Variants in RPS6KB2 observed in about 807,000 individuals in gnomAD.
RPS6KB2 encodes ribosomal protein S6 kinase beta-2.
RPS6KB2 carries 51 observed loss-of-function variants against 58.2 expected under a neutral mutation model. That is an observed-to-expected ratio of 0.88 (90% CI 0.70 to 1.11). The LOEUF (loss-of-function observed/expected upper bound fraction) is 1.11. Among genes scored for constraint, RPS6KB2 ranks in the 50% least tolerant of loss-of-function variants. The pLI, the probability that RPS6KB2 is intolerant of heterozygous loss-of-function variation, is 0.00. For synonymous variants in RPS6KB2, 293 were observed against 258.6 expected (o/e 1.13, Z -1.28); for missense variants, 671 against 655.8 (o/e 1.02, Z -0.25).
In RPS6KB2 at chr11:67,433,397, C is replaced by T. The variant is rs746702111; in HGVS notation, c.856C>T (p.Leu286=). ...KTMDKIIRGK[L]ALPPYLTPDA... ...CATGGATAAGATCATCAGGGGCAAG[C>T]TGGCACTGCCCCCCTACCTCACCCC... The change falls in exon 10 of 15, where the codon CTG becomes TTG. Residue 286 remains leucine, a synonymous_variant. Coordinates refer to ENST00000312629, the MANE Select transcript of RPS6KB2 (RefSeq NM_003952.3). 6.2e-6 allele frequency: 10 copies of T among 1,613,908 alleles called. No individual in the cohort carries two copies. The highest frequency in any genetic ancestry group is 1.1e-5 in the South Asian group (1 of 91,092).
Position 67,429,894 on chromosome 11 carries a change from A to T in RPS6KB2, c.309+299A>T, listed in dbSNP as rs1311043363. On this transcript the variant is annotated intron_variant, in intron 4 of 14. Coordinates refer to ENST00000312629, the MANE Select transcript of RPS6KB2 (RefSeq NM_003952.3). ...AGTGACGCGATTTTGGCTCACTGCC[A>T]CCTCTGTCTCCCAGGTTCAAGCGAT... is the stretch of plus-strand genomic sequence containing the variant. 3 of 276,442 alleles carry T rather than the reference A, an allele frequency of 1.1e-5. No individual in the cohort carries two copies. In the East Asian group the frequency reaches 2.7e-4, roughly 25 times the overall value. The allele number at this position is 276,442 out of a possible 1,614,324, so 17.1% of individuals were successfully genotyped here.
rs1412795868 is a variant in RPS6KB2 at position 67,434,599 on chromosome 11, G to A, written c.1173G>A (p.Ala391=). 3.7e-6 allele frequency: 6 copies of A among 1,606,196 alleles called. No homozygotes were observed. The highest frequency in any genetic ancestry group is 4.5e-5 in the East Asian group (2 of 44,724). ...CCCCCCAGGGCTTCACATACGTGGC[G>A]CCGTCTGTCCTGGACAGCATCAAGG... ...NQAFLGFTYV[A]PSVLDSIKEG... Residue 391 remains alanine (A), a synonymous_variant, in exon 14 of 15, where the codon GCG becomes GCA. Transcript: ENST00000312629.
At chr11:67,432,425 G>C in intron 5 of RPS6KB2, 175 bp from the exon 6 acceptor site, 1 of 733,670 alleles carries the variant, frequency 1.4e-6, no homozygotes, top group South Asian at 1.5e-5. Context: ...ACAGGGCCAG[G>C]CACCGAGTAG....
In RPS6KB2 at chr11:67,428,576, A is replaced by G; in HGVS notation, c.31A>G (p.Thr11Ala). 1 of 1,610,906 alleles carries G rather than the reference A, an allele frequency of 6.2e-7. No homozygotes were observed. The highest frequency in any genetic ancestry group is 8.5e-7 in the Non-Finnish European group (1 of 1,179,122). MAAVFDLDLE[T>A]EEGSEGEGEP... ...GGCCGTGTTTGATTTGGATTTGGAG[A>G]CGGAGGAAGGCAGCGAGGGCGAGGG... The change falls in exon 1 of 15, where the codon ACG becomes GCG. Residue 11 changes from threonine (T) to alanine (A), a missense_variant. Coordinates refer to ENST00000312629, the MANE Select transcript of RPS6KB2 (RefSeq NM_003952.3).
Position 67,435,279 on chromosome 11 carries a change from G to A in RPS6KB2, c.*110G>A, listed in dbSNP as rs2135132021. ...CTGGGGGTGTGTCTGGGGGTGGGGT[G>A]TGAGTGCGTATGAAAGTGTGTGTCT... is the stretch of plus-strand genomic sequence containing the variant. On this transcript the variant is annotated 3_prime_UTR_variant, in exon 15 of 15. Transcript: ENST00000312629. The A allele has an allele frequency of 3.9e-6, 4 of 1,032,544 alleles. No individual in the cohort carries two copies. In the East Asian group the frequency reaches 7.9e-5, roughly 21 times the overall value. 64.0% of individuals were successfully genotyped at this position (1,032,544 alleles called of 1,614,324 possible).
At chr11:67,431,620 TG>T in intron 5 of RPS6KB2, 105 bp downstream of exon 5, 1 of 1,204,060 alleles carries the variant, frequency 8.3e-7, no homozygotes. Flanking sequence ...CTGTGGGGGT[TG>T]GCTAGGGGGC....
Position 67,432,964 on chromosome 11 carries a change from T to C in RPS6KB2, c.629T>C (p.Leu210Pro). Residue 210 changes from leucine to proline, a missense_variant, in exon 8 of 15, where the codon CTG (leucine) becomes CCG (proline). Physicochemically the swap from Leu to Pro is moderately conservative, Grantham distance 98. Coordinates refer to ENST00000312629, the MANE Select transcript of RPS6KB2 (RefSeq NM_003952.3). ...IMLSSQGHIK[L>P]TDFGLCKESI... ...CACCCTTCCTCAGGCCACATCAAAC[T>C]GACCGACTTTGGACTCTGCAAGGAG... The C allele has an allele frequency of 6.2e-7, 1 of 1,613,350 alleles. No homozygotes were observed. The highest frequency in any genetic ancestry group is 1.1e-5 in the South Asian group (1 of 91,086).
At chr11:67,433,619 C>G (rs1361174234) in intron 10 of RPS6KB2, among the ~76,000 whole-genome samples, 172 bp downstream of exon 10, 1 of 152,224 alleles carries the variant, frequency 6.6e-6, no homozygotes, top group African/African-American at 2.4e-5. Context: ...TCAGCCCTGT[C>G]ACAGACCAGC....
At chr11:67,429,048 G>T in intron 2 of RPS6KB2, 26 bp downstream of exon 2, 2 of 1,613,728 alleles carry the variant, frequency 1.2e-6, no homozygotes, top group Non-Finnish European at 8.5e-7. Flanking sequence ...GTTGGGGGAG[G>T]GGGGAATGGA....
chr11:67,428,813 T>C (rs1863926405), intron 1 of RPS6KB2, 169 bp from the exon 2 acceptor site: 2 of 949,738 alleles, frequency 2.1e-6, no homozygotes, highest in Admixed American at 2.0e-5. Context: ...CCCCAGCCTT[T>C]TCTCCCGATT....
Position 67,429,233 on chromosome 11 carries a change from A to G in RPS6KB2, c.233A>G (p.Tyr78Cys), listed in dbSNP as rs1305169081. 1.2e-6 allele frequency: 2 copies of G among 1,613,068 alleles called. No homozygotes were observed. Among genetic ancestry groups the G allele is most frequent in the Admixed American group, 1.7e-5 (1 of 60,012 alleles). Residue 78 changes from tyrosine to cysteine, a missense_variant, in exon 3 of 15, where the codon TAT becomes TGT. Tyr to Cys is a radical substitution (Grantham distance 194). Coordinates refer to ENST00000312629, the MANE Select transcript of RPS6KB2 (RefSeq NM_003952.3). ...ELLRVLGKGG[Y>C]GKVFQVRKVQ... is the part of the protein sequence containing the mutation. ...CTGCGTGTGCTGGGCAAGGGGGGCTATGGCAAGGTAGGGGCGGGCGCACCC... is the reference window on the plus strand; with the variant it reads ...CTGCGTGTGCTGGGCAAGGGGGGCTGTGGCAAGGTAGGGGCGGGCGCACCC...
chr11:67,434,311 G>A lies in RPS6KB2; in HGVS notation c.1047+36G>A, dbSNP rs113279948. The A allele has an allele frequency of 2.0e-3, 3,249 of 1,611,118 alleles. 19 individuals are homozygous for A. Among genetic ancestry groups the A allele is most frequent in the South Asian group, 7.6e-3 (696 of 91,050 alleles). ...GGGCTGGTGGCCAGTGGCCGGTGGC[G>A]GGTGGCAAGTGGAGAACCTGCATCT... On this transcript the variant is annotated intron_variant, in intron 12 of 14. Transcript: ENST00000312629.
intron 4 of RPS6KB2, 106 bp downstream of exon 4, chr11:67,429,701 CT>C: frequency 7.5e-6 from 7 of 931,870 alleles, no homozygotes; most frequent in Non-Finnish European, 1.0e-5. Flanking sequence ...GGATCCCTGA[CT>C]TTGGCGTTTG....
chr11:67,435,021 G>A lies in RPS6KB2; in HGVS notation c.1301G>A (p.Arg434Gln), dbSNP rs189269522. ...AAGTTCTCCCCTTTTGAGGGGTTTC[G>A]GCCCAGCCCCAGCCTGCCGGAGCCC... The part of the protein sequence containing the change: ...PLKFSPFEGF[R>Q]PSPSLPEPTE... Residue 434 changes from arginine (R) to glutamine (Q), a missense_variant, in exon 15 of 15, where the codon CGG (arginine) becomes CAG (glutamine). By Grantham distance (43) the Arg-to-Gln change is conservative (BLOSUM62 1). Coordinates refer to ENST00000312629, the MANE Select transcript of RPS6KB2 (RefSeq NM_003952.3). 34 of 1,613,456 alleles carry A rather than the reference G, an allele frequency of 2.1e-5. No individual in the cohort carries two copies. In the Admixed American group the frequency reaches 2.8e-4, roughly 13 times the overall value.
chr11:67,431,029 A>AT (rs60580998), intron 4 of RPS6KB2: 2,336 of 128,616 alleles, frequency 0.018, 40 homozygotes, highest in Non-Finnish European at 0.022. Flanking sequence ...GGTTGCCCCC[A>AT]TTTTTTTTTT....
Position 67,431,522 on chromosome 11 carries a change from G to A in RPS6KB2, c.457+7G>A, listed in dbSNP as rs773006182. The stretch of plus-strand genomic sequence containing the variant: ...ATCCTTGAGTGCCTCAGTGGTATGA[G>A]TGCGGGCCCAGGCAGGGGTGCTGGG... On this transcript the variant is annotated splice_region_variant and intron_variant, in intron 5 of 14. Coordinates refer to ENST00000312629, the MANE Select transcript of RPS6KB2 (RefSeq NM_003952.3). 3.1e-6 allele frequency: 5 copies of A among 1,613,406 alleles called. No individual in the cohort carries two copies. Among genetic ancestry groups the A allele is most frequent in the South Asian group, 2.2e-5 (2 of 91,046 alleles).
chr11:67,429,518 G>T lies in RPS6KB2; in HGVS notation c.241-9G>T. 6.2e-7 allele frequency: 1 copy of T among 1,611,822 alleles called. No individual in the cohort carries two copies. The highest frequency in any genetic ancestry group is 8.5e-7 in the Non-Finnish European group (1 of 1,178,912). ...GAGGGAAGTTGATCCTGTCTCCCCT[G>T]CCCTACAGGTGTTCCAGGTGCGAAA... On this transcript the variant is annotated splice_polypyrimidine_tract_variant and intron_variant, in intron 3 of 14. Coordinates refer to ENST00000312629, the MANE Select transcript of RPS6KB2 (RefSeq NM_003952.3).
chr11:67,430,284 C>T (rs1863979865), intron 4 of RPS6KB2: 2 of 151,466 alleles, frequency 1.3e-5, no homozygotes, highest in South Asian at 4.2e-4. Flanking sequence ...CTTTGTATTT[C>T]TATTTGTTTA....
chr11:67,429,565 C>T lies in RPS6KB2; in HGVS notation c.279C>T (p.Gly93=). ...QVRKVQGTNL[G]KIYAMKVLRK... ...GAAAGGTGCAAGGCACCAACTTGGG[C>T]AAAATATATGCCATGAAAGTCCTAA... Residue 93 remains glycine (G), a synonymous_variant, in exon 4 of 15, where the codon GGC becomes GGT. Transcript: ENST00000312629. 3 of 1,613,070 alleles carry T rather than the reference C, an allele frequency of 1.9e-6. No homozygotes were observed. Among genetic ancestry groups the T allele is most frequent in the Non-Finnish European group, 2.5e-6 (3 of 1,179,680 alleles).
Sources: allele counts gnomAD v4.1 joint callset (sites outside exome capture counted in the v4.1 genomes callset), GRCh38; gene constraint gnomAD v4.1.1; transcripts MANE v1.5; gene names NCBI Gene and HGNC (gene_info 2026-07-23, HGNC 2026-07-21).